The following DEPDC5 variants were observed in gnomAD, a reference collection of about 807,000 sequenced individuals.
DEPDC5 encodes the protein DEP domain containing 5, GATOR1 subcomplex subunit.
A neutral mutation model predicts 217.3 loss-of-function variants in DEPDC5; 73 were observed. The observed-to-expected ratio is 0.34, with a 90% CI of 0.28 to 0.41. The LOEUF (loss-of-function observed/expected upper bound fraction) is 0.41. Among genes scored for constraint, DEPDC5 ranks in the 10% least tolerant of loss-of-function variants. The pLI is 1.00. For synonymous variants in DEPDC5, 733 were observed against 756.7 expected (o/e 0.97, Z 0.51); for missense variants, 1,675 against 2,070.1 (o/e 0.81, Z 3.70).
chr22:31,809,708 A>G (rs2088020564), intron 19 of DEPDC5, 61 bp downstream of exon 19: 1 of 1,578,142 alleles, frequency 6.3e-7, no homozygotes, highest in Non-Finnish European at 8.7e-7. Context: ...GGCTGGGTGC[A>G]GTGGCTCACG....
At chr22:31,854,282 CAGG>C (rs2149092048) in intron 31 of DEPDC5, among the ~76,000 whole-genome samples, 1 of 152,328 alleles carries the variant, frequency 6.6e-6, no homozygotes, top group East Asian at 1.9e-4. Flanking sequence ...CAGCATATAG[CAGG>C]TGACTCAGTA....
At chr22:31,905,014 A>C (rs1379469890) in intron 41 of DEPDC5, among the ~76,000 whole-genome samples, 1 of 152,128 alleles carries the variant, frequency 6.6e-6, no homozygotes, top group African/African-American at 2.4e-5. Context: ...CTTAGAGGGC[A>C]GGAGCCACAT....
At chr22:31,806,217 G>T in intron 18 of DEPDC5, 26 bp downstream of exon 18, 1 of 1,595,914 alleles carries the variant, frequency 6.3e-7, no homozygotes, top group Non-Finnish European at 8.6e-7. Flanking sequence ...TGTTAAGACG[G>T]GGTCTTATTA....
intron 38 of DEPDC5, among the ~76,000 whole-genome samples, chr22:31,887,357 TAC>T (rs1206653019): frequency 7.2e-6 from 1 of 139,768 alleles, no homozygotes; most frequent in Non-Finnish European, 1.5e-5. Context: ...AGGCAGAGGT[TAC>T]AGTGTGCCGA....
At chr22:31,833,314 C>T (rs1272854100) in intron 24 of DEPDC5, among the ~76,000 whole-genome samples, 1 of 152,106 alleles carries the variant, frequency 6.6e-6, no homozygotes, top group African/African-American at 2.4e-5. Flanking sequence ...AAGAATCTTC[C>T]GGTTTTTCCT....
In DEPDC5 at chr22:31,861,392, G is replaced by A. The variant is rs1157085409; in HGVS notation, c.3289G>A (p.Val1097Ile). 1.9e-6 allele frequency: 3 copies of A among 1,551,498 alleles called. No individual in the cohort carries two copies. Among genetic ancestry groups the A allele is most frequent in the Non-Finnish European group, 2.6e-6 (3 of 1,146,976 alleles). ...RKDGAFFMEF[V>I]RSPRTASSAF... ...GGACGGGGCCTTCTTTATGGAGTTT[G>A]TCCGCAGCCCACGCACAGCATCGTC... The change falls in exon 33 of 43, where the codon GTC (valine) becomes ATC (isoleucine). Residue 1097 changes from valine (V) to isoleucine (I), a missense_variant. By Grantham distance (29) the Val-to-Ile change is conservative (BLOSUM62 3). Transcript: ENST00000651528.
At chr22:31,868,356 A>G (rs2092745274) in intron 33 of DEPDC5, among the ~76,000 whole-genome samples, 1 of 152,190 alleles carries the variant, frequency 6.6e-6, no homozygotes, top group Admixed American at 6.5e-5. Flanking sequence ...ACAGCCCCCC[A>G]CAGCAAACAG....
chr22:31,843,075 A>T lies in DEPDC5; in HGVS notation c.2516-20A>T. ...GAATGAGCTTCAAACAGATGGAGGA[A>T]ATTATTATTTTTCTGTTAGGCCTTG... On this transcript the variant is annotated intron_variant, in intron 27 of 42. Transcript: ENST00000651528. 6.4e-7 allele frequency: 1 copy of T among 1,574,372 alleles called. No individual in the cohort carries two copies. Among genetic ancestry groups the T allele is most frequent in the Non-Finnish European group, 8.7e-7 (1 of 1,146,134 alleles).
intron 29 of DEPDC5, 32 bp downstream of exon 29, chr22:31,843,844 GCAT>G (rs1265264510): frequency 6.4e-7 from 1 of 1,565,196 alleles, no homozygotes; most frequent in East Asian, 2.3e-5. Flanking sequence ...TTCCATCTTT[GCAT>G]CCTTGGGCAA....
chr22:31,838,539 C>T, intron 26 of DEPDC5, 146 bp from the exon 27 acceptor site: 2 of 1,073,900 alleles, frequency 1.9e-6, no homozygotes, highest in East Asian at 2.4e-5. Context: ...ACATGAGCCA[C>T]CATGCCCAGC....
intron 10 of DEPDC5, among the ~76,000 whole-genome samples, chr22:31,789,801 C>G (rs1004335715): frequency 1.3e-5 from 2 of 151,006 alleles, no homozygotes; most frequent in Non-Finnish European, 2.9e-5. Context: ...GAGACAGAGT[C>G]TTGCTATGCT....
chr22:31,838,617 A>T, intron 26 of DEPDC5, 68 bp from the exon 27 acceptor site: 1 of 1,576,936 alleles, frequency 6.3e-7, no homozygotes, highest in Non-Finnish European at 8.6e-7. Flanking sequence ...AGATGATGAG[A>T]CTGTGCACTC....
chr22:31,843,850 T>G lies in DEPDC5; in HGVS notation c.2801+38T>G. ...GCTTTGGATTTCCATCTTTGCATCC[T>G]TGGGCAAGGATGTGTATGTGTATTT... On this transcript the variant is annotated intron_variant, in intron 29 of 42. Coordinates refer to ENST00000651528, the MANE Select transcript of DEPDC5 (RefSeq NM_001242896.3). The G allele has an allele frequency of 3.2e-6, 5 of 1,567,300 alleles. No individual in the cohort carries two copies. In the South Asian group the frequency reaches 5.8e-5, roughly 18 times the overall value.
At chr22:31,884,450 C>T (rs1361200884) in intron 38 of DEPDC5, among the ~76,000 whole-genome samples, 1 of 152,202 alleles carries the variant, frequency 6.6e-6, no homozygotes, top group Non-Finnish European at 1.5e-5. Flanking sequence ...TTTAGCCTGG[C>T]GGCCAGTCCT....
In DEPDC5 at chr22:31,906,460, C is replaced by G; in HGVS notation, c.4775C>G (p.Thr1592Arg). ...GACAACCGGCTGGTCACGTTCTGGACAAGTTGCCTGGAGAAGATGCATGCC... is the reference window on the plus strand; with the variant it reads ...GACAACCGGCTGGTCACGTTCTGGAGAAGTTGCCTGGAGAAGATGCATGCC... ...NRDNRLVTFWTSCLEKMHASA... is the reference protein window; with the variant it reads ...NRDNRLVTFWRSCLEKMHASA... Residue 1592 changes from threonine (T) to arginine (R), a missense_variant, in exon 43 of 43, where the codon ACA becomes AGA. By Grantham distance (71) the Thr-to-Arg change is moderately conservative (BLOSUM62 -1). Coordinates refer to ENST00000651528, the MANE Select transcript of DEPDC5 (RefSeq NM_001242896.3). The surrounding 1 kb of genome is among the most constrained non-coding windows in gnomAD (Gnocchi z 5.1). 1 of 1,614,020 alleles carries G rather than the reference C, an allele frequency of 6.2e-7. No individual in the cohort carries two copies. The highest frequency in any genetic ancestry group is 1.1e-5 in the South Asian group (1 of 91,084).
At chr22:31,836,195 G>C in intron 25 of DEPDC5, among the ~76,000 whole-genome samples, 1 of 152,364 alleles carries the variant, frequency 6.6e-6, no homozygotes, top group Middle Eastern at 3.4e-3. Flanking sequence ...GGTTTTCACA[G>C]CTAGGGGATG....
At chr22:31,783,870 G>T in intron 8 of DEPDC5, 37 bp from the exon 9 acceptor site, 2 of 1,574,986 alleles carry the variant, frequency 1.3e-6, no homozygotes, top group South Asian at 1.1e-5. Context: ...AACTGTATAT[G>T]GCATTGCTTT....
intron 38 of DEPDC5, among the ~76,000 whole-genome samples, chr22:31,888,905 T>C (rs1449183601): frequency 1.3e-5 from 2 of 152,216 alleles, no homozygotes; most frequent in Admixed American, 1.3e-4. Flanking sequence ...AGAGCACCTC[T>C]GTCCAAACCC....
intron 27 of DEPDC5, among the ~76,000 whole-genome samples, chr22:31,842,344 G>A (rs1466913070): frequency 1.3e-5 from 2 of 152,200 alleles, no homozygotes; most frequent in Non-Finnish European, 2.9e-5. Context: ...GGGAGGCCGA[G>A]GCGAGTGGAT....
Sources: allele counts gnomAD v4.1 joint callset (sites outside exome capture counted in the v4.1 genomes callset), GRCh38; gene constraint gnomAD v4.1.1; non-coding constraint Gnocchi (gnomAD v3.1); transcripts MANE v1.5; gene names NCBI Gene and HGNC (gene_info 2026-07-23, HGNC 2026-07-21).